CFAP44: variants seen among roughly 807,000 people sequenced by gnomAD.
The protein encoded by CFAP44 is cilia- and flagella-associated protein 44.
CFAP44 carries 134 observed loss-of-function variants against 216.2 expected under a neutral mutation model. The observed-to-expected ratio is 0.62, with a 90% CI of 0.54 to 0.72. The LOEUF is 0.72. Ranked by LOEUF, CFAP44 falls within the 30% of genes least tolerant of loss-of-function variation. The pLI, the probability that CFAP44 is intolerant of heterozygous loss-of-function variation, is 0.00. For missense variants in CFAP44, 2,035 were observed against 2,182.1 expected (o/e 0.93, Z 1.34); for synonymous variants, 700 against 727.6 (o/e 0.96, Z 0.61).
chr3:113,322,178 G>A (rs1390213993), intron 28 of CFAP44, among the ~76,000 whole-genome samples: 1 of 152,126 alleles, frequency 6.6e-6, no homozygotes, highest in Admixed American at 6.6e-5. Context: ...CAGACACATA[G>A]ACCGCAAGAT....
intron 27 of CFAP44, among the ~76,000 whole-genome samples, chr3:113,326,925 A>T (rs1950194162): frequency 1.3e-5 from 2 of 152,138 alleles, no homozygotes; most frequent in African/African-American, 2.4e-5. Context: ...AATTCCTTAA[A>T]TTGAATATGT....
At chr3:113,350,176 AAGAG>A (rs144560404) in intron 22 of CFAP44, among the ~76,000 whole-genome samples, 1 of 150,078 alleles carries the variant, frequency 6.7e-6, no homozygotes. Flanking sequence ...GCAGAGAGGA[AAGAG>A]AGAGAGAGAG....
chr3:113,293,818 CT>C, intron 34 of CFAP44: 4 of 271,590 alleles, frequency 1.5e-5, no homozygotes, highest in Non-Finnish European at 3.0e-5. Flanking sequence ...TACTTTGGGA[CT>C]TTTGTTTAGA....
At chr3:113,366,701 G>C (rs1219098957) in intron 18 of CFAP44, among the ~76,000 whole-genome samples, 1 of 152,182 alleles carries the variant, frequency 6.6e-6, no homozygotes, top group East Asian at 1.9e-4. Context: ...TCATCTCATT[G>C]GGACTGGTTG....
chr3:113,438,690 T>C lies in CFAP44; in HGVS notation c.-6+2763A>G, dbSNP rs1385754533. On this transcript the variant is annotated intron_variant, in intron 1 of 34. Transcript: ENST00000393845. ...CTCTACTTCTTAGTATATTTTATAT[T>C]AAGCTGAAATCTGCCTCCCTGCAAC... Among the ~76,000 whole-genome samples, 4 of 152,330 alleles carry C rather than the reference T, an allele frequency of 2.6e-5. No individual in the cohort carries two copies. The East Asian group carries it at 7.7e-4, about 29-fold the overall frequency.
intron 18 of CFAP44, among the ~76,000 whole-genome samples, chr3:113,369,599 A>T (rs1235821105): frequency 6.6e-6 from 1 of 152,268 alleles, no homozygotes; most frequent in African/African-American, 2.4e-5. Context: ...GGAAATTTAT[A>T]GCACTAAATG....
chr3:113,394,829 T>C (rs1576587720), intron 15 of CFAP44, among the ~76,000 whole-genome samples: 1 of 152,226 alleles, frequency 6.6e-6, no homozygotes, highest in Non-Finnish European at 1.5e-5. Flanking sequence ...GGCTATGGGA[T>C]GGACAAGCTT....
chr3:113,289,929 A>T lies in CFAP44; in HGVS notation c.*1628T>A, dbSNP rs1174091517. ...CCCTCCAGCTCCAGCCAAGCTTCAG[A>T]TGGCTGCAGCCCCAGCTCCTAGTGT... On this transcript the variant is annotated 3_prime_UTR_variant, in exon 35 of 35. Transcript: ENST00000393845. 2.8e-4 allele frequency: 42 copies of T among 152,272 alleles called. 1 individual carries two copies. Among genetic ancestry groups the T allele is most frequent in the Admixed American group, 2.7e-3 (42 of 15,280 alleles). The allele number at this position is 152,272 out of a possible 1,614,324, so 9.4% of individuals were successfully genotyped here.
At position 113,404,298 on chromosome 3, in the gene CFAP44, T is replaced by C. The variant is rs145545301; in HGVS notation, c.1006-282A>G. ...TTCATGTATGTATACAATAGACTTCTTGGTACATCTCTTAGGACAAAAGAC... is the reference window on the plus strand; with the variant it reads ...TTCATGTATGTATACAATAGACTTCCTGGTACATCTCTTAGGACAAAAGAC... On this transcript the variant is annotated intron_variant, in intron 8 of 34. Transcript: ENST00000393845. Among the ~76,000 whole-genome samples the C allele has an allele frequency of 6.4e-4, 98 of 152,302 alleles. 1 individual carries two copies. The highest frequency in any genetic ancestry group is 2.1e-3 in the African/African-American group (88 of 41,580).
At chr3:113,343,865 A>G (rs1245225815) in intron 23 of CFAP44, among the ~76,000 whole-genome samples, 1 of 152,230 alleles carries the variant, frequency 6.6e-6, no homozygotes, top group African/African-American at 2.4e-5. Flanking sequence ...TGTTCGTATT[A>G]TATCACTGTC....
chr3:113,315,157 C>T (rs1950075020), intron 28 of CFAP44, among the ~76,000 whole-genome samples: 1 of 149,270 alleles, frequency 6.7e-6, no homozygotes, highest in South Asian at 2.1e-4. Context: ...GAATGAAAAA[C>T]ATTATCCAAT....
chr3:113,356,189 C>A (rs139991242), intron 22 of CFAP44, among the ~76,000 whole-genome samples: 1 of 150,082 alleles, frequency 6.7e-6, no homozygotes, highest in Non-Finnish European at 1.5e-5. Flanking sequence ...ATGGTTGTAA[C>A]CACTGTAAAA....
At chr3:113,312,809 G>A (rs1008191174) in intron 28 of CFAP44, among the ~76,000 whole-genome samples, 2 of 152,176 alleles carry the variant, frequency 1.3e-5, no homozygotes, top group Non-Finnish European at 2.9e-5. Context: ...TCCACATAGT[G>A]TTGAACCTGT....
chr3:113,387,761 C>A (rs1379260792), intron 15 of CFAP44, among the ~76,000 whole-genome samples: 1 of 152,118 alleles, frequency 6.6e-6, no homozygotes, highest in Non-Finnish European at 1.5e-5. Context: ...CTCCCAATTT[C>A]AAGCCTTAGC....
In CFAP44 at chr3:113,330,435, T is replaced by C. The variant is rs778087433; in HGVS notation, c.3849A>G (p.Gln1283=). 8.7e-5 allele frequency: 134 copies of C among 1,537,226 alleles called. No homozygotes were observed. Among genetic ancestry groups the C allele is most frequent in the Non-Finnish European group, 1.1e-4 (129 of 1,146,926 alleles). Residue 1283 remains glutamine (Q), a synonymous_variant, in exon 26 of 35, where the codon CAA becomes CAG. Transcript: ENST00000393845. The part of the protein sequence containing the change: ...EETLLNFKQQ[Q]MKSKDEKSPG... ...GGGACTTTTCATCTTTACTTTTCAT[T>C]TGCTGTTGCTTAAAATTTAGGAGAG...
At chr3:113,316,710 A>G (rs1232084999) in intron 28 of CFAP44, among the ~76,000 whole-genome samples, 1 of 152,094 alleles carries the variant, frequency 6.6e-6, no homozygotes, top group Non-Finnish European at 1.5e-5. Flanking sequence ...CTCTACTAAA[A>G]ATATAAAAAT....
rs58221881 is a variant in CFAP44, at chr3:113,433,429, CAAAAAAAA to C, written c.100+128_100+135del. ...GGGCAACAAGAGCAAAACTCCATCT[CAAAAAAAA>C]AAAAAAAAAAAAAAAAAAAGATCTA... On this transcript the variant is annotated intron_variant, in intron 2 of 34. Transcript: ENST00000393845. The C allele has an allele frequency of 5.6e-4, 71 of 127,786 alleles. 3 individuals carry two copies. In the East Asian group the frequency reaches 7.3e-3, roughly 13 times the overall value. 7.9% of individuals were successfully genotyped at this position (127,786 alleles called of 1,614,324 possible). A position where few individuals can be genotyped will look rare whatever the true frequency, so the allele number is the denominator to read the frequency against.
At chr3:113,437,030 T>C (rs1037208279) in intron 1 of CFAP44, among the ~76,000 whole-genome samples, 3 of 152,222 alleles carry the variant, frequency 2.0e-5, no homozygotes, top group African/African-American at 7.2e-5. Flanking sequence ...AATCTACTTC[T>C]GGGCTCATTC....
chr3:113,427,182 C>T lies in CFAP44; in HGVS notation c.253+5G>A, dbSNP rs183424503. The T allele has an allele frequency of 2.4e-5, 39 of 1,608,602 alleles. No individual in the cohort carries two copies. The highest frequency in any genetic ancestry group is 1.7e-5 in the Non-Finnish European group (20 of 1,178,656). On this transcript the variant is annotated splice_donor_5th_base_variant and intron_variant, in intron 3 of 34. Coordinates refer to ENST00000393845, the MANE Select transcript of CFAP44 (RefSeq NM_001164496.2). ...AATTACTGACAGAAAACTAATAATA[C>T]CTACCTGTAGTGCTTTGCAAATCAC...
Sources: gnomAD v4.1 joint callset for allele counts (sites outside exome capture counted in the v4.1 genomes callset) on GRCh38, gnomAD v4.1.1 for gene constraint, MANE v1.5 for transcripts, NCBI Gene and HGNC (gene_info 2026-07-23, HGNC 2026-07-21) for gene names.